SNRPN: variants seen among roughly 807,000 people sequenced by gnomAD.
SNRPN encodes small nuclear ribonucleoprotein-associated protein N.
Under a neutral mutation model 25.2 loss-of-function variants are expected in SNRPN, and 7 were observed. The ratio of observed to expected loss-of-function variants is 0.28; its 90% confidence interval spans 0.16 to 0.52. The LOEUF (loss-of-function observed/expected upper bound fraction) is 0.52. SNRPN is among the 20% of genes least tolerant of loss of function. The probability of loss-of-function intolerance (pLI) is 0.96; values close to 1 mark genes in which losing one functional copy is unlikely to be tolerated. For synonymous variants in SNRPN, 124 were observed against 110.6 expected, an observed-to-expected ratio of 1.12 and a Z score of -0.76; for missense variants, 196 against 322.5, an observed-to-expected ratio of 0.61 and a Z score of 3.00.
At chr15:24,920,982 G>A (rs1188380847) in intron 3 of SNRPN, among the ~76,000 whole-genome samples, 1 of 152,152 alleles carries the variant, frequency 6.6e-6, no homozygotes, top group Non-Finnish European at 1.5e-5. Context: ...GATTGAAAGA[G>A]TATGTGCTGG....
chr15:24,941,323 T>G (rs1234101730), intron 3 of SNRPN, among the ~76,000 whole-genome samples: 1 of 152,190 alleles, frequency 6.6e-6, no homozygotes, highest in Non-Finnish European at 1.5e-5. Flanking sequence ...CAAACCTATT[T>G]ATAAAAGATG....
At chr15:24,947,201 A>G (rs1316483412) in intron 3 of SNRPN, among the ~76,000 whole-genome samples, 1 of 152,212 alleles carries the variant, frequency 6.6e-6, no homozygotes, top group East Asian at 1.9e-4. Flanking sequence ...GATTACTATT[A>G]GTAGAAGTGC....
At chr15:24,952,456 A>G (rs1027687601), upstream of SNRPN, among the ~76,000 whole-genome samples, 1 of 152,158 alleles carries the variant, frequency 6.6e-6, no homozygotes, top group Non-Finnish European at 1.5e-5. Flanking sequence ...CCTTCTCTGT[A>G]TCTTCACTCC....
intron 2 of SNRPN, among the ~76,000 whole-genome samples, chr15:24,839,891 A>G (rs1206046967): frequency 6.6e-6 from 1 of 152,192 alleles, no homozygotes; most frequent in African/African-American, 2.4e-5. Flanking sequence ...ACTTGAATGC[A>G]CCACTTCCAT....
intron 1 of SNRPN, among the ~76,000 whole-genome samples, chr15:24,827,937 T>G (rs115514985): frequency 0.018 from 2,732 of 149,144 alleles, 100 homozygotes; most frequent in African/African-American, 0.065. Context: ...TAAGATAAAT[T>G]TTCAACTCCA....
At chr15:24,918,177 T>C (rs1247024487) in intron 2 of SNRPN, among the ~76,000 whole-genome samples, 1 of 151,694 alleles carries the variant, frequency 6.6e-6, no homozygotes, top group Non-Finnish European at 1.5e-5. Context: ...GATTCTATCA[T>C]TCTGTCACTT....
rs2060463272 is a variant in SNRPN at position 24,927,468 on chromosome 15, GTTTTTAAATTTTTTT to G, written c.-391+7350_-391+7364del. On this transcript the variant is annotated intron_variant, in intron 3 of 11. Coordinates refer to the SNRPN transcript ENST00000400097. ...CCCTCTGTTTCCCACTGCTTATAAA[GTTTTTAAATTTTTTT>G]TTTTTTTTTTTTTTTTTTTTTTTTT... Among the ~76,000 whole-genome samples, 2 of 84,686 alleles carry G rather than the reference GTTTTTAAATTTTTTT, an allele frequency of 2.4e-5. 1 individual carries two copies. The highest frequency in any genetic ancestry group is 4.6e-5 in the Non-Finnish European group (2 of 43,932). 55.6% of individuals were successfully genotyped at this position (84,686 alleles called of 152,430 possible).
intron 2 of SNRPN, chr15:24,849,686 G>C (rs1386645892): frequency 2.0e-5 from 3 of 152,200 alleles, no homozygotes; most frequent in Non-Finnish European, 4.4e-5. Context: ...CTAGGACCCA[G>C]ATTTAGTTGG....
intron 1 of SNRPN, among the ~76,000 whole-genome samples, chr15:24,882,295 T>G (rs1182031494): frequency 6.6e-6 from 1 of 152,152 alleles, no homozygotes; most frequent in Non-Finnish European, 1.5e-5. Flanking sequence ...TTTTTGAAGG[T>G]AAACATCTTA....
chr15:24,903,564 G>C (rs915928414), intron 2 of SNRPN, among the ~76,000 whole-genome samples: 2 of 152,112 alleles, frequency 1.3e-5, no homozygotes, highest in African/African-American at 2.4e-5. Context: ...TTCGGCACAG[G>C]TTCCATTCAT....
intron 1 of SNRPN, among the ~76,000 whole-genome samples, chr15:24,865,478 GA>G (rs1414736012): frequency 1.3e-5 from 2 of 152,178 alleles, no homozygotes; most frequent in African/African-American, 4.8e-5. Context: ...CTCTTATCAG[GA>G]GAAAGTTACT....
intron 2 of SNRPN, among the ~76,000 whole-genome samples, chr15:24,915,361 C>G (rs777251129): frequency 6.6e-6 from 1 of 152,082 alleles, no homozygotes; most frequent in Non-Finnish European, 1.5e-5. Context: ...CTCCTGACAT[C>G]GTGATCTGCC....
At chr15:24,975,544 A>G in intron 5 of SNRPN, 35 bp downstream of exon 5, 1 of 1,592,464 alleles carries the variant, frequency 6.3e-7, no homozygotes. Context: ...GGTTGGACAC[A>G]GAGGCAGTGG....
At chr15:24,961,460 T>C (rs2074795317) in intron 1 of SNRPN, among the ~76,000 whole-genome samples, 1 of 152,186 alleles carries the variant, frequency 6.6e-6, no homozygotes. Flanking sequence ...CTGCAGTCCC[T>C]AATATGGCTA....
intron 2 of SNRPN, among the ~76,000 whole-genome samples, chr15:24,844,397 TG>T (rs1222219108): frequency 1.7e-4 from 26 of 152,346 alleles, no homozygotes; most frequent in Admixed American, 3.3e-4. Context: ...TGTATAATTT[TG>T]ATATGACCTA....
intron 1 of SNRPN, among the ~76,000 whole-genome samples, chr15:24,829,552 G>T (rs2141330070): frequency 6.6e-6 from 1 of 152,206 alleles, no homozygotes; most frequent in Middle Eastern, 3.4e-3. Context: ...GGGCAGCTCA[G>T]AAAGTGATGC....
At chr15:24,902,281 G>A (rs1046052712) in intron 2 of SNRPN, among the ~76,000 whole-genome samples, 8 of 152,126 alleles carry the variant, frequency 5.3e-5, no homozygotes, top group South Asian at 2.1e-4. Flanking sequence ...TTTAGGCTAT[G>A]CATTCTACTG....
intron 1 of SNRPN, among the ~76,000 whole-genome samples, chr15:24,955,506 C>T (rs1334030058): frequency 3.4e-5 from 5 of 145,992 alleles, no homozygotes. Context: ...TGTGGCGGGG[C>T]GAAGGTACGT....
At chr15:24,884,291 T>G (rs1402500505) in intron 1 of SNRPN, among the ~76,000 whole-genome samples, 2 of 152,154 alleles carry the variant, frequency 1.3e-5, no homozygotes, top group Admixed American at 6.5e-5. Context: ...GCATGATGGA[T>G]CCACGGCACT....
Sources: allele counts gnomAD v4.1 joint callset (sites outside exome capture counted in the v4.1 genomes callset), GRCh38; gene constraint gnomAD v4.1.1; transcripts MANE v1.5; gene names NCBI Gene and HGNC (gene_info 2026-07-23, HGNC 2026-07-21).